The following MAST4 variants were observed in gnomAD, a reference collection of about 807,000 sequenced individuals.
The protein encoded by MAST4 is microtubule-associated serine/threonine-protein kinase 4.
In MAST4, 89 loss-of-function variants were observed where a neutral mutation model predicts 162.7. That is an observed-to-expected ratio of 0.55 (90% CI 0.46 to 0.65). The LOEUF (loss-of-function observed/expected upper bound fraction) is 0.65. Among genes scored for constraint, MAST4 ranks in the 30% least tolerant of loss-of-function variants. The pLI, the probability that MAST4 is intolerant of heterozygous loss-of-function variation, is 0.00. For missense variants in MAST4, 3,153 were observed against 3,374.0 expected (o/e 0.93, Z 1.62); for synonymous variants, 1,479 against 1,361.1 (o/e 1.09, Z -1.91).
intron 5 of MAST4, among the ~76,000 whole-genome samples, chr5:67,076,996 A>G (rs1229744743): frequency 6.6e-6 from 1 of 152,192 alleles, no homozygotes; most frequent in Non-Finnish European, 1.5e-5. Context: ...CAGTTGGAGA[A>G]TTAACTGCCC....
intron 3 of MAST4, among the ~76,000 whole-genome samples, chr5:66,830,868 A>G (rs187959232): frequency 6.6e-6 from 1 of 152,336 alleles, no homozygotes; most frequent in African/African-American, 2.4e-5. Context: ...ATAGATAGCT[A>G]TGTGGAACAT....
intron 3 of MAST4, among the ~76,000 whole-genome samples, chr5:66,857,332 T>G (rs1357330449): frequency 6.6e-6 from 1 of 152,250 alleles, no homozygotes; most frequent in East Asian, 1.9e-4. Context: ...TTTGGGTTTT[T>G]GTTTTCACTG....
At chr5:66,821,779 C>T (rs746474446) in intron 3 of MAST4, among the ~76,000 whole-genome samples, 4 of 152,188 alleles carry the variant, frequency 2.6e-5, no homozygotes, top group Non-Finnish European at 2.9e-5. Flanking sequence ...TGGGAAACCT[C>T]GGTGCCCTCC....
intron 1 of MAST4, among the ~76,000 whole-genome samples, chr5:66,635,946 G>GTTTTTTT (rs530576186): frequency 7.3e-5 from 3 of 41,302 alleles, no homozygotes; most frequent in Non-Finnish European, 9.3e-5. Flanking sequence ...GATAGAGACT[G>GTTTTTTT]TTTTTTTTTT....
intron 4 of MAST4, among the ~76,000 whole-genome samples, chr5:67,028,090 G>A (rs114067522): frequency 2.1e-3 from 316 of 152,180 alleles, no homozygotes; most frequent in Non-Finnish European, 2.3e-3. Flanking sequence ...ACAGTATCAT[G>A]TGTGAGTATA....
intron 3 of MAST4, among the ~76,000 whole-genome samples, chr5:66,803,800 ATTCT>A (rs1162466376): frequency 3.3e-5 from 5 of 152,074 alleles, no homozygotes; most frequent in African/African-American, 9.7e-5. Context: ...CTTTGTAGCT[ATTCT>A]TTCTTTTTTC....
intron 25 of MAST4, 21 bp downstream of exon 25, chr5:67,152,887 A>G (rs1346476994): frequency 6.3e-7 from 1 of 1,586,578 alleles, no homozygotes; most frequent in Non-Finnish European, 8.6e-7. Context: ...CATGTCTCGC[A>G]CTTGGGATTT....
chr5:66,751,575 G>A (rs1340000539), intron 1 of MAST4, among the ~76,000 whole-genome samples: 6 of 151,742 alleles, frequency 4.0e-5, no homozygotes, highest in African/African-American at 1.2e-4. Context: ...GAAATGAAGC[G>A]AGAAGGGAAG....
At chr5:66,840,572 A>G (rs968991818) in intron 3 of MAST4, among the ~76,000 whole-genome samples, 4 of 152,070 alleles carry the variant, frequency 2.6e-5, no homozygotes, top group Non-Finnish European at 5.9e-5. Context: ...TGGCCTCATG[A>G]TAGGCAGAGC....
chr5:66,769,170 C>T (rs1188850290), intron 2 of MAST4, among the ~76,000 whole-genome samples: 2 of 152,112 alleles, frequency 1.3e-5, no homozygotes, highest in Admixed American at 6.5e-5. Flanking sequence ...AATTCATGTA[C>T]TGGGTATACT....
At chr5:67,091,286 T>C (rs779968876) in intron 6 of MAST4, among the ~76,000 whole-genome samples, 14 of 152,234 alleles carry the variant, frequency 9.2e-5, no homozygotes, top group Non-Finnish European at 1.9e-4. Flanking sequence ...GATTTCATTA[T>C]AAATCTGATG....
At chr5:67,015,922 A>G (rs1169683178) in intron 4 of MAST4, among the ~76,000 whole-genome samples, 1 of 152,174 alleles carries the variant, frequency 6.6e-6, no homozygotes, top group Non-Finnish European at 1.5e-5. Flanking sequence ...GCTTCTGTGA[A>G]CAGGGTCTGA....
intron 1 of MAST4, among the ~76,000 whole-genome samples, chr5:66,750,086 A>G (rs1753040367): frequency 6.6e-6 from 1 of 152,248 alleles, no homozygotes; most frequent in African/African-American, 2.4e-5. Context: ...GATATTTAAT[A>G]TCAAGAAACA....
intron 1 of MAST4, among the ~76,000 whole-genome samples, chr5:66,742,292 C>T (rs1220659246): frequency 2.0e-5 from 3 of 152,126 alleles, no homozygotes; most frequent in Non-Finnish European, 2.9e-5. Context: ...CTTCCCGAGG[C>T]GGCCACTGGT....
intron 6 of MAST4, among the ~76,000 whole-genome samples, chr5:67,091,558 G>T (rs1418534323): frequency 6.6e-6 from 1 of 152,138 alleles, no homozygotes; most frequent in Non-Finnish European, 1.5e-5. Flanking sequence ...CAAGTGGAAA[G>T]AATATCCTAT....
chr5:67,099,900 A>T (rs1561650876), intron 7 of MAST4, among the ~76,000 whole-genome samples: 1 of 152,162 alleles, frequency 6.6e-6, no homozygotes, highest in Admixed American at 6.5e-5. Context: ...AGATTTTAAG[A>T]CAGTGGCTTT....
intron 1 of MAST4, among the ~76,000 whole-genome samples, chr5:66,663,862 G>T (rs1247963202): frequency 1.3e-5 from 2 of 152,188 alleles, no homozygotes; most frequent in Non-Finnish European, 2.9e-5. Context: ...GTTGAGGATA[G>T]ATTGTGGGAG....
chr5:66,807,482 G>A (rs1207460586), intron 3 of MAST4, among the ~76,000 whole-genome samples: 12 of 147,388 alleles, frequency 8.1e-5, no homozygotes, highest in South Asian at 4.3e-4. Flanking sequence ...CGGCCTGGGC[G>A]ACAGAGCGAG....
chr5:66,756,129 C>T (rs1041499820), intron 1 of MAST4, among the ~76,000 whole-genome samples: 1 of 152,184 alleles, frequency 6.6e-6, no homozygotes, highest in Admixed American at 6.5e-5. Context: ...GTGTACATCC[C>T]TCACTTGTAG....
Sources: gnomAD v4.1 joint callset for allele counts (sites outside exome capture counted in the v4.1 genomes callset) on GRCh38, gnomAD v4.1.1 for gene constraint, MANE v1.5 for transcripts, NCBI Gene and HGNC (gene_info 2026-07-23, HGNC 2026-07-21) for gene names.